The following IGFBP7 variants were observed in gnomAD, a reference collection of about 807,000 sequenced individuals.
IGFBP7 encodes the protein insulin-like growth factor-binding protein 7.
Under a neutral mutation model 29.4 loss-of-function variants are expected in IGFBP7, and 31 were observed. That is an observed-to-expected ratio of 1.05 (90% CI 0.79 to 1.42). The LOEUF is 1.42. IGFBP7 is among the 40% of genes most tolerant of loss of function. IGFBP7 has a pLI of 0.00. For missense variants in IGFBP7, 393 were observed against 395.5 expected (o/e 0.99, Z 0.05); for synonymous variants, 172 against 174.9 (o/e 0.98, Z 0.13).
intron 3 of IGFBP7, 111 bp from the exon 4 acceptor site, chr4:57,032,663 G>A: frequency 2.3e-6 from 2 of 855,416 alleles, no homozygotes; most frequent in South Asian, 2.7e-5. Context: ...GGGATTCATA[G>A]CAAAGGTACT....
At chr4:57,057,716 A>C (rs1724707256) in intron 1 of IGFBP7, among the ~76,000 whole-genome samples, 1 of 152,196 alleles carries the variant, frequency 6.6e-6, no homozygotes, top group Admixed American at 6.5e-5. Flanking sequence ...GAAGCTGGGC[A>C]CTTCAAAGAT....
chr4:57,080,700 T>G (rs991508057), intron 1 of IGFBP7, among the ~76,000 whole-genome samples: 13 of 152,176 alleles, frequency 8.5e-5, no homozygotes, highest in African/African-American at 2.9e-4. Flanking sequence ...GCTGACATTT[T>G]CTTTTCTTAC....
intron 1 of IGFBP7, among the ~76,000 whole-genome samples, chr4:57,081,123 A>G (rs1725356880): frequency 6.6e-6 from 1 of 152,088 alleles, no homozygotes; most frequent in Non-Finnish European, 1.5e-5. Flanking sequence ...GGGTACTTAA[A>G]ATGGGCCTTG....
intron 1 of IGFBP7, among the ~76,000 whole-genome samples, chr4:57,060,463 C>T (rs1724773518): frequency 6.6e-6 from 1 of 152,150 alleles, no homozygotes; most frequent in Admixed American, 6.5e-5. Context: ...TTGGTGCACG[C>T]TTTGATCCCT....
At chr4:57,094,389 C>T (rs1725712270) in intron 1 of IGFBP7, among the ~76,000 whole-genome samples, 1 of 151,996 alleles carries the variant, frequency 6.6e-6, no homozygotes, top group South Asian at 2.1e-4. Context: ...CAGGACAGTG[C>T]CTTTGAGGGT....
intron 1 of IGFBP7, among the ~76,000 whole-genome samples, chr4:57,059,688 C>T (rs1434278766): frequency 6.6e-6 from 1 of 152,098 alleles, no homozygotes; most frequent in Non-Finnish European, 1.5e-5. Flanking sequence ...GTACAACAAA[C>T]CTCCATGACA....
At chr4:57,103,393 T>C (rs1230245312) in intron 1 of IGFBP7, among the ~76,000 whole-genome samples, 1 of 152,136 alleles carries the variant, frequency 6.6e-6, no homozygotes, top group Non-Finnish European at 1.5e-5. Context: ...GCTGCCTCCT[T>C]CTCCCTAGGC....
chr4:57,059,403 T>C (rs1724743509), intron 1 of IGFBP7, among the ~76,000 whole-genome samples: 1 of 152,180 alleles, frequency 6.6e-6, no homozygotes, highest in Admixed American at 6.5e-5. Flanking sequence ...CACCATGGAA[T>C]ACTATGCAGC....
chr4:57,103,749 C>T (rs1725958085), intron 1 of IGFBP7, among the ~76,000 whole-genome samples: 2 of 139,990 alleles, frequency 1.4e-5, no homozygotes, highest in Admixed American at 8.0e-5. Flanking sequence ...GATTTGACCT[C>T]CTGGGCTCAA....
At chr4:57,107,662 T>A (rs1049874032) in intron 1 of IGFBP7, among the ~76,000 whole-genome samples, 41 of 152,274 alleles carry the variant, frequency 2.7e-4, no homozygotes, top group African/African-American at 9.9e-4. Flanking sequence ...CTCTCTCAAT[T>A]TAGGATGAGA....
intron 1 of IGFBP7, among the ~76,000 whole-genome samples, chr4:57,081,797 G>A (rs1725378081): frequency 6.6e-6 from 1 of 152,132 alleles, no homozygotes; most frequent in Admixed American, 6.6e-5. Context: ...AAAGAAAAGT[G>A]GAAGTTCTAG....
intron 1 of IGFBP7, among the ~76,000 whole-genome samples, chr4:57,042,901 A>G (rs17087426): frequency 0.051 from 7,725 of 152,254 alleles, 697 homozygotes; most frequent in African/African-American, 0.18. Flanking sequence ...TAAATAAGAC[A>G]TTATGGGAAA....
At chr4:57,052,503 C>A (rs2109756146) in intron 1 of IGFBP7, among the ~76,000 whole-genome samples, 1 of 152,286 alleles carries the variant, frequency 6.6e-6, no homozygotes, top group African/African-American at 2.4e-5. Context: ...ATGTGGGGTC[C>A]TTTGGGTGGA....
At chr4:57,051,459 C>T (rs1324304350) in intron 1 of IGFBP7, among the ~76,000 whole-genome samples, 3 of 152,222 alleles carry the variant, frequency 2.0e-5, no homozygotes, top group Admixed American at 6.5e-5. Context: ...GTTATGGAAG[C>T]TACTGTTAGT....
chr4:57,072,180 G>C (rs919984467), intron 1 of IGFBP7, among the ~76,000 whole-genome samples: 20 of 152,092 alleles, frequency 1.3e-4, no homozygotes, highest in African/African-American at 4.6e-4. Context: ...CCCAGTGTCT[G>C]TTATATCCTT....
intron 1 of IGFBP7, among the ~76,000 whole-genome samples, chr4:57,053,767 A>T (rs1326777409): frequency 6.6e-6 from 1 of 151,070 alleles, no homozygotes; most frequent in Non-Finnish European, 1.5e-5. Context: ...CCGAGACGAA[A>T]CTCCCTAGTG....
intron 1 of IGFBP7, among the ~76,000 whole-genome samples, chr4:57,097,265 TG>T (rs1474627412): frequency 6.6e-6 from 1 of 152,250 alleles, no homozygotes; most frequent in Non-Finnish European, 1.5e-5. Flanking sequence ...TATTTTATGC[TG>T]CAAAGCAAAG....
intron 2 of IGFBP7, 35 bp from the exon 3 acceptor site, chr4:57,033,346 G>C (rs1457768872): frequency 7.3e-7 from 1 of 1,365,892 alleles, no homozygotes; most frequent in South Asian, 1.2e-5. Flanking sequence ...ACTGAGTTTT[G>C]TACACCAGAT....
intron 1 of IGFBP7, among the ~76,000 whole-genome samples, chr4:57,052,421 T>A (rs541122160): frequency 7.4e-4 from 113 of 152,326 alleles, no homozygotes; most frequent in Middle Eastern, 3.4e-3. Flanking sequence ...GAGGAGGCAC[T>A]GAACCCCAGT....
Sources: allele counts gnomAD v4.1 joint callset (sites outside exome capture counted in the v4.1 genomes callset), GRCh38; gene constraint gnomAD v4.1.1; transcripts MANE v1.5; gene names NCBI Gene and HGNC (gene_info 2026-07-23, HGNC 2026-07-21).